The following UPP2 variants were observed in gnomAD, a reference collection of about 807,000 sequenced individuals.
The protein encoded by UPP2 is UPase 2.
In UPP2, 23 loss-of-function variants were observed where a neutral mutation model predicts 26.7. That is an observed-to-expected ratio of 0.86 (90% CI 0.62 to 1.22). The LOEUF is 1.22. Among genes scored for constraint, UPP2 ranks in the 50% most tolerant of loss-of-function variants. The pLI, the probability that UPP2 is intolerant of heterozygous loss-of-function variation, is 0.00. For missense variants in UPP2, 387 were observed against 396.7 expected (o/e 0.98, Z 0.21); for synonymous variants, 127 against 141.3 (o/e 0.90, Z 0.72).
intron 3 of UPP2, among the ~76,000 whole-genome samples, chr2:158,033,987 T>G (rs1452289300): frequency 2.0e-5 from 3 of 152,176 alleles, no homozygotes; most frequent in African/African-American, 7.2e-5. Context: ...CCTTCAGGAT[T>G]TGCTCTGGGG....
chr2:158,048,425 G>A (rs1682084312), intron 3 of UPP2, among the ~76,000 whole-genome samples: 3 of 152,168 alleles, frequency 2.0e-5, no homozygotes, highest in African/African-American at 4.8e-5. Flanking sequence ...GAGCAAAATA[G>A]TGACACCCCA....
intron 3 of UPP2, among the ~76,000 whole-genome samples, chr2:158,019,506 G>A (rs11895999): frequency 0.15 from 22,655 of 151,972 alleles, 2,283 homozygotes; most frequent in African/African-American, 0.29. Flanking sequence ...TATGCCTTCC[G>A]TCACAATCTG....
upstream of UPP2, among the ~76,000 whole-genome samples, chr2:158,098,461 G>A (rs1009389109): frequency 5.3e-5 from 8 of 152,126 alleles, no homozygotes; most frequent in African/African-American, 1.4e-4. Context: ...GGGCCAGATG[G>A]GGCCAGCTGC....
At chr2:158,126,002 T>C (rs149640273) in intron 6 of UPP2, among the ~76,000 whole-genome samples, 1 of 152,334 alleles carries the variant, frequency 6.6e-6, no homozygotes, top group African/African-American at 2.4e-5. Flanking sequence ...GTTATCAACA[T>C]GTTGCCTTCA....
chr2:158,078,240 T>A (rs1410364155), intron 3 of UPP2, among the ~76,000 whole-genome samples: 1 of 151,982 alleles, frequency 6.6e-6, no homozygotes, highest in African/African-American at 2.4e-5. Flanking sequence ...CAGAAAACAG[T>A]AAAATAGAGT....
At chr2:158,060,331 G>A (rs888983682) in intron 3 of UPP2, among the ~76,000 whole-genome samples, 37 of 152,136 alleles carry the variant, frequency 2.4e-4, no homozygotes, top group African/African-American at 8.4e-4. Context: ...TTAGGTTATT[G>A]TGGAGTGAGA....
At chr2:158,103,118 C>A (rs893362714) in intron 1 of UPP2, among the ~76,000 whole-genome samples, 1 of 152,104 alleles carries the variant, frequency 6.6e-6, no homozygotes, top group Non-Finnish European at 1.5e-5. Flanking sequence ...AAACTACATT[C>A]ATATTGGGTA....
chr2:158,028,011 C>T (rs894598499), intron 3 of UPP2, among the ~76,000 whole-genome samples: 3 of 152,202 alleles, frequency 2.0e-5, no homozygotes, highest in African/African-American at 7.2e-5. Context: ...AAACCATTTT[C>T]TCCTAGGCCT....
At chr2:158,107,097 A>C (rs1290216487) in intron 2 of UPP2, among the ~76,000 whole-genome samples, 1 of 152,364 alleles carries the variant, frequency 6.6e-6, no homozygotes, top group East Asian at 1.9e-4. Context: ...CAGGAATCAA[A>C]TGAATATTTT....
In UPP2 at chr2:158,045,579, A is replaced by G. The variant is rs548031809; in HGVS notation, c.147+29693A>G. On this transcript the variant is annotated intron_variant, in intron 3 of 9. Coordinates refer to the UPP2 transcript ENST00000605860. ...CTGCACCTCTGGGACGACTTCATCA[A>G]GTTGTCCACCTGGAGGTGCCATGTG... Among the ~76,000 whole-genome samples, 17 of 152,256 alleles carry G rather than the reference A, an allele frequency of 1.1e-4. No individual in the cohort carries two copies. In the South Asian group the frequency reaches 3.3e-3, roughly 30 times the overall value.
chr2:158,028,485 TG>T (rs1683870873), intron 3 of UPP2, among the ~76,000 whole-genome samples: 1 of 152,218 alleles, frequency 6.6e-6, no homozygotes, highest in South Asian at 2.1e-4. Flanking sequence ...AATAGGCTTT[TG>T]GTCAAAGCCA....
intron 2 of UPP2, among the ~76,000 whole-genome samples, chr2:157,999,028 A>G (rs1248344360): frequency 2.0e-5 from 3 of 152,058 alleles, no homozygotes; most frequent in African/African-American, 4.8e-5. Context: ...GTCATTTTTT[A>G]TCTGTGTGTT....
At chr2:158,065,807 G>T in intron 3 of UPP2, 1 of 699,964 alleles carries the variant, frequency 1.4e-6, no homozygotes, top group South Asian at 1.5e-5. Flanking sequence ...TAAGTCTTGT[G>T]AAAATTAAGT....
At chr2:158,026,543 G>A (rs1054772010) in intron 3 of UPP2, among the ~76,000 whole-genome samples, 1 of 152,100 alleles carries the variant, frequency 6.6e-6, no homozygotes, top group Non-Finnish European at 1.5e-5. Flanking sequence ...AGATGGAGGA[G>A]ATGCATATAT....
intron 2 of UPP2, among the ~76,000 whole-genome samples, chr2:158,012,890 T>C (rs937766468): frequency 2.0e-5 from 3 of 152,188 alleles, no homozygotes; most frequent in Non-Finnish European, 4.4e-5. Context: ...AAATAACTTA[T>C]TACTAAAAAT....
At chr2:158,084,549 T>G (rs1049179059) in intron 3 of UPP2, among the ~76,000 whole-genome samples, 1 of 152,318 alleles carries the variant, frequency 6.6e-6, no homozygotes, top group African/African-American at 2.4e-5. Flanking sequence ...TTCGGGTTCT[T>G]GGTCAAGAAG....
chr2:158,027,480 G>T (rs959858046), intron 3 of UPP2, among the ~76,000 whole-genome samples: 3 of 152,090 alleles, frequency 2.0e-5, no homozygotes, highest in Admixed American at 1.3e-4. Context: ...TATGATCCTG[G>T]GCAGCTCCAC....
At chr2:158,108,438 C>T (rs1198604647) in intron 2 of UPP2, among the ~76,000 whole-genome samples, 1 of 152,004 alleles carries the variant, frequency 6.6e-6, no homozygotes, top group African/African-American at 2.4e-5. Context: ...TCAAACAAAA[C>T]AAAATAACAC....
At chr2:158,082,170 G>A (rs185952099) in intron 3 of UPP2, among the ~76,000 whole-genome samples, 112 of 152,098 alleles carry the variant, frequency 7.4e-4, no homozygotes, top group Middle Eastern at 6.8e-3. Context: ...GGCTGGTCTC[G>A]AACTCCTGAC....
Sources: allele counts gnomAD v4.1 joint callset (sites outside exome capture counted in the v4.1 genomes callset), GRCh38; gene constraint gnomAD v4.1.1; transcripts MANE v1.5; gene names NCBI Gene and HGNC (gene_info 2026-07-23, HGNC 2026-07-21).